HK1: variants seen among roughly 807,000 people sequenced by gnomAD.
HK1 encodes hexokinase-1.
HK1 carries 28 observed loss-of-function variants against 91.6 expected under a neutral mutation model. The observed-to-expected ratio is 0.31, with a 90% CI of 0.23 to 0.42. The LOEUF (loss-of-function observed/expected upper bound fraction) is 0.42, where lower values mean the gene tolerates loss of function less well. HK1 is among the 10% of genes least tolerant of loss of function. The pLI is 1.00. For synonymous variants in HK1, 430 were observed against 468.1 expected (o/e 0.92, Z 1.05); for missense variants, 770 against 1,219.8 (o/e 0.63, Z 5.49).
chr10:69,378,517 T>C (rs1839229458), intron 8 of HK1, among the ~76,000 whole-genome samples: 3 of 152,202 alleles, frequency 2.0e-5, no homozygotes. Context: ...ACTGTCATTA[T>C]TTGCAAATGG....
At chr10:69,315,806 G>A (rs1846607642), upstream of HK1, 7 of 770,126 alleles carry the variant, frequency 9.1e-6, no homozygotes, top group Admixed American at 1.1e-4. Flanking sequence ...GAGGGGTTGG[G>A]GGTGGGATGG....
chr10:69,393,204 C>T (rs1839982320), intron 15 of HK1, among the ~76,000 whole-genome samples: 2 of 152,126 alleles, frequency 1.3e-5, no homozygotes, highest in Admixed American at 1.3e-4. Flanking sequence ...TGGTCTTGAA[C>T]TCCCGACCTC....
Position 69,382,668 on chromosome 10 carries a change from A to G in HK1, c.1447A>G (p.Met483Val), listed in dbSNP as rs1212127259. Residue 483 changes from methionine (M) to valine (V), a missense_variant, in exon 10 of 18, where the codon ATG (methionine) becomes GTG (valine). Met to Val is a conservative substitution (Grantham distance 21). This residue lies in a region of HK1 where 449 missense variants were observed against 665.1 expected (regional missense o/e 0.68). Transcript: ENST00000359426. ...TLAHFHLTKD[M>V]LLEVKKRMRA... ...GGCTCATTTCCACCTCACCAAGGAC[A>G]TGCTGCTGGAGGTGAAGAAGAGGAT... 6.2e-7 allele frequency: 1 copy of G among 1,614,020 alleles called. No homozygotes were observed. The highest frequency in any genetic ancestry group is 8.5e-7 in the Non-Finnish European group (1 of 1,180,002).
At chr10:69,288,537 C>A in intron 2 of HK1, 1 of 636,390 alleles carries the variant, frequency 1.6e-6, no homozygotes, top group South Asian at 1.8e-5. Context: ...CCTGGGTTTA[C>A]GAATACTCTA....
At chr10:69,334,008 G>A (rs926860485) in intron 1 of HK1, among the ~76,000 whole-genome samples, 10 of 152,160 alleles carry the variant, frequency 6.6e-5, no homozygotes, top group African/African-American at 2.4e-4. Flanking sequence ...CTACTCAGGA[G>A]GTTGAGGCAG....
intron 3 of HK1, among the ~76,000 whole-genome samples, chr10:69,290,887 AAGG>A (rs1845269994): frequency 6.6e-6 from 1 of 152,192 alleles, no homozygotes; most frequent in Non-Finnish European, 1.5e-5. Context: ...TGTGGAATCC[AAGG>A]CTCCTGTGTG....
At chr10:69,353,579 C>T (rs1208286416) in intron 2 of HK1, among the ~76,000 whole-genome samples, 1 of 138,888 alleles carries the variant, frequency 7.2e-6, no homozygotes, top group Non-Finnish European at 1.5e-5. Context: ...GCCTGGGTGA[C>T]AGAGTGTGAC....
intron 1 of HK1, among the ~76,000 whole-genome samples, chr10:69,336,527 T>TA (rs1350885407): frequency 6.6e-5 from 10 of 151,870 alleles, no homozygotes. Context: ...TGAAACAGTG[T>TA]AAATGTTTCA....
chr10:69,386,304 G>C lies in HK1; in HGVS notation c.1840-19G>C. ...CAGGTTAATTACACAGGACTCTCCT[G>C]GTGCTTTTTATGTTGTAGGGAATCT... is the stretch of plus-strand genomic sequence containing the variant. On this transcript the variant is annotated intron_variant, in intron 12 of 17. Transcript: ENST00000359426. 6.2e-7 allele frequency: 1 copy of C among 1,604,126 alleles called. No individual in the cohort carries two copies. The highest frequency in any genetic ancestry group is 8.5e-7 in the Non-Finnish European group (1 of 1,171,040).
intron 1 of HK1, among the ~76,000 whole-genome samples, chr10:69,276,177 ATATT>A (rs1217276685): frequency 2.1e-5 from 3 of 141,108 alleles, no homozygotes; most frequent in Admixed American, 7.5e-5. Flanking sequence ...GTAATTCTAT[ATATT>A]TATTAGATTA....
chr10:69,366,083 G>A (rs1849685970), intron 4 of HK1, among the ~76,000 whole-genome samples: 1 of 151,964 alleles, frequency 6.6e-6, no homozygotes. Flanking sequence ...CGCCTGCCTC[G>A]GCCCCTCAAA....
intron 13 of HK1, 69 bp downstream of exon 13, chr10:69,386,487 G>T (rs1839636651): frequency 3.1e-6 from 4 of 1,303,274 alleles, no homozygotes; most frequent in Non-Finnish European, 2.2e-6. Flanking sequence ...GTATTTGCCT[G>T]TTGTAAAGAA....
chr10:69,382,821 G>T, intron 10 of HK1, 30 bp downstream of exon 10: 1 of 1,602,194 alleles, frequency 6.2e-7, no homozygotes, highest in Non-Finnish European at 8.5e-7. Flanking sequence ...TGACATGCCT[G>T]TCCTGCTCCT....
chr10:69,305,756 G>C (rs972548767), intron 5 of HK1, among the ~76,000 whole-genome samples: 10 of 151,972 alleles, frequency 6.6e-5, no homozygotes, highest in African/African-American at 2.4e-4. Context: ...GGGAGGCTGA[G>C]GGAGGAGAAT....
intron 5 of HK1, among the ~76,000 whole-genome samples, chr10:69,302,412 T>C (rs1276135612): frequency 2.0e-5 from 3 of 147,416 alleles, no homozygotes; most frequent in Non-Finnish European, 4.5e-5. Flanking sequence ...TCTCACTCTG[T>C]CGCCCAGGCT....
At chr10:69,292,411 G>C (rs1450064621) in intron 3 of HK1, 1 of 431,032 alleles carries the variant, frequency 2.3e-6, no homozygotes, top group Non-Finnish European at 4.6e-6. Flanking sequence ...AGAAGTGCTG[G>C]AAAGATCATC....
Position 69,377,082 on chromosome 10 carries a change from A to G in HK1, c.1024A>G (p.Ile342Val), listed in dbSNP as rs761456278. Residue 342 changes from isoleucine (I) to valine (V), a missense_variant, in exon 8 of 18, where the codon ATC (isoleucine) becomes GTC (valine). Around this residue, in one of 7 missense-constraint regions of HK1, gnomAD observed 449 missense variants for 665.1 expected, o/e 0.68. Transcript: ENST00000359426. ...GTTTAACACCAGTGATGTGTCAGCC[A>G]TCGAAAAGTAGGTACCATCCCCTCA... ...GKFNTSDVSAIEKNKEGLHNA... is the reference protein window; with the variant it reads ...GKFNTSDVSAVEKNKEGLHNA... The G allele has an allele frequency of 6.2e-7, 1 of 1,614,120 alleles. No homozygotes were observed.
At chr10:69,325,072 A>G (rs907231403) in intron 1 of HK1, among the ~76,000 whole-genome samples, 8 of 110,492 alleles carry the variant, frequency 7.2e-5, no homozygotes, top group African/African-American at 2.9e-4. Context: ...TTTTTTTGAG[A>G]TGGAGTCTTC....
At chr10:69,314,323 G>A (rs1315205690), upstream of HK1, among the ~76,000 whole-genome samples, 2 of 152,206 alleles carry the variant, frequency 1.3e-5, no homozygotes, top group African/African-American at 4.8e-5. Context: ...ATTCACATTA[G>A]TCCAGTCTCT....
Sources: allele counts gnomAD v4.1 joint callset (sites outside exome capture counted in the v4.1 genomes callset), GRCh38; gene constraint gnomAD v4.1.1; regional missense constraint gnomAD v4.1.1; transcripts MANE v1.5; gene names NCBI Gene and HGNC (gene_info 2026-07-23, HGNC 2026-07-21).